The following EPHA5 variants were observed in gnomAD, a reference collection of about 807,000 sequenced individuals.
EPHA5 encodes EPH receptor A5.
Under a neutral mutation model 105.0 loss-of-function variants are expected in EPHA5, and 60 were observed. The ratio of observed to expected loss-of-function variants is 0.57; its 90% CI spans 0.46 to 0.71. The LOEUF is 0.71. Ranked by LOEUF, EPHA5 falls within the 30% of genes least tolerant of loss-of-function variation. The pLI, the probability that EPHA5 is intolerant of heterozygous loss-of-function variation, is 0.00. For synonymous variants in EPHA5, 513 were observed against 449.1 expected (o/e 1.14, Z -1.80); for missense variants, 1,218 against 1,274.7 (o/e 0.96, Z 0.68).
At position 65,628,153 on chromosome 4, in the gene EPHA5, T is replaced by C. The variant is rs149733148; in HGVS notation, c.246+15210A>G. 3.4e-3 allele frequency among the ~76,000 whole-genome samples: 522 copies of C among 152,242 alleles called. 11 individuals are homozygous for C. The highest frequency in any genetic ancestry group is 0.029 in the Admixed American group (449 of 15,290). On this transcript the variant is annotated intron_variant, in intron 2 of 16. Transcript: ENST00000613740. ...AAACACACTGACGATACTTGGCTAA[T>C]AATATGAAGAATCCCAACTATAAAA...
At chr4:65,525,183 T>A (rs1735114401) in intron 3 of EPHA5, among the ~76,000 whole-genome samples, 1 of 151,774 alleles carries the variant, frequency 6.6e-6, no homozygotes, top group Admixed American at 6.6e-5. Context: ...ACTAGTTATC[T>A]CTTTTTAATA....
At position 65,602,011 on chromosome 4, in the gene EPHA5, A is replaced by G. The variant is rs770677273; in HGVS notation, c.540T>C (p.Asp180=). 5.4e-5 allele frequency: 87 copies of G among 1,614,046 alleles called. 1 individual carries two copies. In the South Asian group the frequency reaches 5.7e-4, roughly 11 times the overall value. Residue 180 remains aspartate (D), a synonymous_variant, in exon 3 of 17, where the codon GAT becomes GAC. Transcript: ENST00000613740. ...CAAGATCAAGTTCTGTAAAGCTTTC[A>G]TCGGCAGCAATGGTATCAATTTTGA... The part of the protein sequence containing the change: ...QYIKIDTIAA[D]ESFTELDLGD...
At chr4:65,440,253 TAAAC>T (rs75478792) in intron 5 of EPHA5, among the ~76,000 whole-genome samples, 413 of 151,970 alleles carry the variant, frequency 2.7e-3, no homozygotes, top group African/African-American at 8.8e-3. Context: ...TTAAAGAAAA[TAAAC>T]AAAGGTATTC....
At chr4:65,396,764 G>A (rs902496430) in intron 8 of EPHA5, among the ~76,000 whole-genome samples, 1 of 152,186 alleles carries the variant, frequency 6.6e-6, no homozygotes, top group Non-Finnish European at 1.5e-5. Context: ...TCCTGATTCA[G>A]TTGAGGGACA....
At chr4:65,352,479 A>T (rs1577892312) in intron 12 of EPHA5, among the ~76,000 whole-genome samples, 1 of 151,956 alleles carries the variant, frequency 6.6e-6, no homozygotes, top group Non-Finnish European at 1.5e-5. Context: ...AAATTTAGAG[A>T]TTTGCACATG....
intron 3 of EPHA5, among the ~76,000 whole-genome samples, chr4:65,536,405 A>G (rs1416028643): frequency 6.6e-6 from 1 of 151,972 alleles, no homozygotes; most frequent in Non-Finnish European, 1.5e-5. Flanking sequence ...TTATTTTCTT[A>G]ACAGAGAGAT....
rs550764022 is a variant in EPHA5 at position 65,456,186 on chromosome 4, C to T, written c.1402+34191G>A. Reference sequence around the variant, plus strand: ...TCAGAATGAATGCCCTAACAGTGCTCTGCTAGCCTGTCAGTGGAAGAAAAA... The same window carrying T: ...TCAGAATGAATGCCCTAACAGTGCTTTGCTAGCCTGTCAGTGGAAGAAAAA... On this transcript the variant is annotated intron_variant, in intron 5 of 16. Transcript: ENST00000613740. Among the ~76,000 whole-genome samples the T allele has an allele frequency of 1.2e-3, 178 of 152,292 alleles. 1 individual carries two copies. Among genetic ancestry groups the T allele is most frequent in the African/African-American group, 4.0e-3 (165 of 41,564 alleles).
intron 11 of EPHA5, among the ~76,000 whole-genome samples, chr4:65,363,926 C>T (rs1717591151): frequency 6.6e-6 from 1 of 151,236 alleles, no homozygotes; most frequent in African/African-American, 2.4e-5. Flanking sequence ...AAAGAATATC[C>T]TCATTATAAA....
intron 3 of EPHA5, among the ~76,000 whole-genome samples, chr4:65,534,080 G>A (rs929930875): frequency 1.3e-5 from 2 of 152,110 alleles, no homozygotes; most frequent in African/African-American, 4.8e-5. Flanking sequence ...AAGATAATTA[G>A]CACAAAATGT....
intron 2 of EPHA5, among the ~76,000 whole-genome samples, chr4:65,614,806 A>C (rs1745083338): frequency 6.6e-6 from 1 of 151,814 alleles, no homozygotes; most frequent in African/African-American, 2.4e-5. Context: ...GGTGCATTTA[A>C]AAGTGTTTTA....
At chr4:65,617,251 T>G in intron 2 of EPHA5, among the ~76,000 whole-genome samples, 1 of 152,076 alleles carries the variant, frequency 6.6e-6, no homozygotes, top group South Asian at 2.1e-4. Flanking sequence ...ACCTGATTTA[T>G]GCTACATTGT....
intron 8 of EPHA5, among the ~76,000 whole-genome samples, chr4:65,371,997 A>T (rs566382176): frequency 1.3e-5 from 2 of 152,084 alleles, no homozygotes; most frequent in East Asian, 3.9e-4. Context: ...ATATTCAAAA[A>T]GCAACAAATT....
chr4:65,380,848 T>C (rs1030019694), intron 8 of EPHA5, among the ~76,000 whole-genome samples: 2 of 151,728 alleles, frequency 1.3e-5, no homozygotes, highest in African/African-American at 2.4e-5. Context: ...TCTAAACCTA[T>C]CAAAAGGCAA....
At chr4:65,379,901 T>C (rs372641954) in intron 8 of EPHA5, among the ~76,000 whole-genome samples, 147 of 151,930 alleles carry the variant, frequency 9.7e-4, no homozygotes, top group African/African-American at 2.8e-3. Context: ...TAAGACAAGT[T>C]ACTTTTCTAT....
chr4:65,395,751 G>T (rs891061550), intron 8 of EPHA5, among the ~76,000 whole-genome samples: 1 of 152,176 alleles, frequency 6.6e-6, no homozygotes, highest in African/African-American at 2.4e-5. Flanking sequence ...TGGTTGGCCA[G>T]AAAATATAAC....
intron 1 of EPHA5, among the ~76,000 whole-genome samples, chr4:65,660,450 G>A (rs1749462041): frequency 1.3e-5 from 2 of 152,092 alleles, no homozygotes; most frequent in Admixed American, 6.6e-5. Flanking sequence ...GTGTCAGGAA[G>A]ATGACGATCT....
At chr4:65,458,154 C>A (rs1219488258) in intron 5 of EPHA5, among the ~76,000 whole-genome samples, 1 of 149,480 alleles carries the variant, frequency 6.7e-6, no homozygotes, top group African/African-American at 2.5e-5. Context: ...TATACATATT[C>A]AGTGTAAGAT....
chr4:65,364,922 A>G lies in EPHA5; in HGVS notation c.2173+95T>C, dbSNP rs561416877. ...ACATTAATATTAGAGAAATTAATATATTACAATCTTGGTTTCTCTTTACCC... is the reference window on the plus strand; with the variant it reads ...ACATTAATATTAGAGAAATTAATATGTTACAATCTTGGTTTCTCTTTACCC... On this transcript the variant is annotated intron_variant, in intron 11 of 16. Coordinates refer to ENST00000613740, the MANE Select transcript of EPHA5 (RefSeq NM_001281766.3). The G allele has an allele frequency of 1.1e-5, 11 of 993,002 alleles. No individual in the cohort carries two copies. In the African/African-American group the frequency reaches 1.3e-4, roughly 12 times the overall value. The allele number at this position is 993,002 out of a possible 1,614,324, so 61.5% of individuals were successfully genotyped here. A position where few individuals can be genotyped will look rare whatever the true frequency, so the allele number is the denominator to read the frequency against.
intron 14 of EPHA5, among the ~76,000 whole-genome samples, chr4:65,345,945 T>G (rs1168458098): frequency 6.6e-6 from 1 of 151,966 alleles, no homozygotes; most frequent in African/African-American, 2.4e-5. Context: ...GCTAATTTTT[T>G]GTATTTTTAG....
Sources: gnomAD v4.1 joint callset for allele counts (sites outside exome capture counted in the v4.1 genomes callset) on GRCh38, gnomAD v4.1.1 for gene constraint, MANE v1.5 for transcripts, NCBI Gene and HGNC (gene_info 2026-07-23, HGNC 2026-07-21) for gene names.